The following KANK1 variants were observed in gnomAD, a reference collection of about 807,000 sequenced individuals.
KANK1 encodes the protein KN motif and ankyrin repeat domain-containing protein 1.
KANK1 carries 109 observed loss-of-function variants against 106.2 expected under a neutral mutation model. The ratio of observed to expected loss-of-function variants is 1.03; its 90% confidence interval spans 0.88 to 1.20. KANK1 has a LOEUF of 1.20. KANK1 is among the 50% of genes most tolerant of loss of function. KANK1 has a pLI of 0.00. For missense variants in KANK1, 2,399 were observed against 1,710.7 expected (o/e 1.40, Z -7.10); for synonymous variants, 873 against 652.2 (o/e 1.34, Z -5.16).
intron 2 of KANK1, among the ~76,000 whole-genome samples, chr9:681,792 A>G (rs1429492481): frequency 6.6e-6 from 1 of 152,162 alleles, no homozygotes; most frequent in Non-Finnish European, 1.5e-5. Flanking sequence ...AAACCCAGTT[A>G]AATGACATAA....
chr9:485,533 A>G (rs2058276483), intron 3 of KANK1, among the ~76,000 whole-genome samples: 1 of 152,202 alleles, frequency 6.6e-6, no homozygotes, highest in Admixed American at 6.5e-5. Flanking sequence ...AATGATTACA[A>G]GAGCCTGGAT....
intron 1 of KANK1, among the ~76,000 whole-genome samples, chr9:511,193 G>A (rs1359768981): frequency 1.3e-5 from 2 of 152,166 alleles, no homozygotes; most frequent in African/African-American, 2.4e-5. Flanking sequence ...AAATGTGTAT[G>A]GGTGGGAATT....
intron 1 of KANK1, among the ~76,000 whole-genome samples, chr9:575,333 G>A (rs1481131418): frequency 2.0e-5 from 3 of 152,138 alleles, no homozygotes; most frequent in African/African-American, 7.2e-5. Context: ...GGTGACAAAA[G>A]CCACTATTCT....
chr9:625,307 G>A (rs1834086892), intron 1 of KANK1, among the ~76,000 whole-genome samples: 1 of 152,184 alleles, frequency 6.6e-6, no homozygotes, highest in Non-Finnish European at 1.5e-5. Context: ...GTATTTATCT[G>A]TAAGCCAGAG....
intron 1 of KANK1, among the ~76,000 whole-genome samples, chr9:588,939 G>A (rs902193391): frequency 6.6e-6 from 1 of 152,108 alleles, no homozygotes; most frequent in African/African-American, 2.4e-5. Flanking sequence ...AAAAACCCAA[G>A]GTTATACTTG....
intron 1 of KANK1, among the ~76,000 whole-genome samples, chr9:657,276 A>G (rs1001948127): frequency 6.6e-6 from 1 of 152,160 alleles, no homozygotes; most frequent in African/African-American, 2.4e-5. Flanking sequence ...TCATCTGTTA[A>G]TGGACTTTTA....
At chr9:630,417 G>A (rs1385316827) in intron 1 of KANK1, among the ~76,000 whole-genome samples, 3 of 152,060 alleles carry the variant, frequency 2.0e-5, no homozygotes, top group Non-Finnish European at 1.5e-5. Context: ...CAGGCATGGT[G>A]GCGGGCGCCT....
At chr9:535,974 C>T (rs1452149637) in intron 1 of KANK1, among the ~76,000 whole-genome samples, 1 of 152,144 alleles carries the variant, frequency 6.6e-6, no homozygotes, top group Non-Finnish European at 1.5e-5. Context: ...TATAACAGCA[C>T]CCCACTTCCA....
chr9:610,648 C>T (rs555401966), intron 1 of KANK1, among the ~76,000 whole-genome samples: 22 of 152,264 alleles, frequency 1.4e-4, no homozygotes, highest in African/African-American at 5.3e-4. Flanking sequence ...TCCAGCTTTC[C>T]TGGGTTTAAG....
intron 1 of KANK1, among the ~76,000 whole-genome samples, chr9:529,294 CTTTT>C (rs774768030): frequency 1.4e-5 from 2 of 144,878 alleles, no homozygotes; most frequent in Non-Finnish European, 3.0e-5. Context: ...CATATATACA[CTTTT>C]TTTTTTTTTG....
At chr9:567,685 A>T (rs1293693317) in intron 1 of KANK1, among the ~76,000 whole-genome samples, 1 of 152,246 alleles carries the variant, frequency 6.6e-6, no homozygotes, top group African/African-American at 2.4e-5. Context: ...CAAGTCATCC[A>T]TGAGAATGTT....
At chr9:594,439 A>C (rs571068849) in intron 1 of KANK1, among the ~76,000 whole-genome samples, 4 of 151,852 alleles carry the variant, frequency 2.6e-5, no homozygotes, top group Admixed American at 2.6e-4. Flanking sequence ...AGAAGGATGG[A>C]TGATTAAAAA....
At chr9:679,047 T>A (rs912335834) in intron 2 of KANK1, among the ~76,000 whole-genome samples, 4 of 152,146 alleles carry the variant, frequency 2.6e-5, no homozygotes, top group Admixed American at 2.6e-4. Flanking sequence ...GTTCCTGAGA[T>A]CTAATAAGCA....
At chr9:595,399 G>A (rs1563828832) in intron 1 of KANK1, among the ~76,000 whole-genome samples, 1 of 151,944 alleles carries the variant, frequency 6.6e-6, no homozygotes, top group African/African-American at 2.4e-5. Context: ...TGCCATTGCA[G>A]GAGCACTTCA....
intron 1 of KANK1, among the ~76,000 whole-genome samples, chr9:664,884 A>T (rs945649144): frequency 8.5e-5 from 13 of 152,118 alleles, no homozygotes; most frequent in Non-Finnish European, 1.8e-4. Flanking sequence ...GGGTGAGATT[A>T]TACCTCATCG....
At chr9:507,669 G>A (rs1458485377) in intron 1 of KANK1, among the ~76,000 whole-genome samples, 1 of 151,472 alleles carries the variant, frequency 6.6e-6, no homozygotes, top group Admixed American at 6.6e-5. Flanking sequence ...CGATTCTCGT[G>A]CCTCAGCCTC....
At chr9:561,235 T>A (rs1816347166) in intron 1 of KANK1, among the ~76,000 whole-genome samples, 1 of 152,254 alleles carries the variant, frequency 6.6e-6, no homozygotes, top group African/African-American at 2.4e-5. Flanking sequence ...TATGTTTTTC[T>A]ATTTCAATCA....
chr9:671,472 C>T (rs1397550456), intron 1 of KANK1, among the ~76,000 whole-genome samples: 2 of 33,006 alleles, frequency 6.1e-5, no homozygotes, highest in East Asian at 1.3e-3. Flanking sequence ...GGTGAAACCG[C>T]ATCTCTACTG....
At chr9:557,877 C>T (rs150710347) in intron 1 of KANK1, among the ~76,000 whole-genome samples, 14 of 152,270 alleles carry the variant, frequency 9.2e-5, no homozygotes, top group Middle Eastern at 6.8e-3. Flanking sequence ...TGGTGGCACA[C>T]GCCTGTGGTC....
Sources: gnomAD v4.1 joint callset for allele counts (sites outside exome capture counted in the v4.1 genomes callset) on GRCh38, gnomAD v4.1.1 for gene constraint, MANE v1.5 for transcripts, NCBI Gene and HGNC (gene_info 2026-07-23, HGNC 2026-07-21) for gene names.